The following IGLON5 variants were observed in gnomAD, a reference collection of about 807,000 sequenced individuals.
IGLON5 encodes Ig-like domain-containing protein ENSP00000270642.
In IGLON5, 16 loss-of-function variants were observed where a neutral mutation model predicts 38.2. The observed-to-expected ratio is 0.42, with a 90% CI of 0.28 to 0.64. The LOEUF is 0.64. IGLON5 is among the 30% of genes least tolerant of loss of function. The pLI is 0.23. For synonymous variants in IGLON5, 207 were observed against 216.4 expected (o/e 0.96, Z 0.38); for missense variants, 366 against 483.4 (o/e 0.76, Z 2.28).
Position 51,327,025 on chromosome 19 carries a change from G to T in IGLON5, c.647-55G>T. On this transcript the variant is annotated intron_variant, in intron 5 of 7. Coordinates refer to ENST00000270642, the MANE Select transcript of IGLON5 (RefSeq NM_001101372.3). This position sits in a 1 kb window ranked among gnomAD's most constrained non-coding sequence, Gnocchi z 7.1. ...TGAGGGAGGCGGGGGCTGGGGGCGG[G>T]ACCCCTTCGTCCCCACGCGGCTAGG... The T allele has an allele frequency of 6.3e-7, 1 of 1,599,614 alleles. No individual in the cohort carries two copies. The highest frequency in any genetic ancestry group is 8.5e-7 in the Non-Finnish European group (1 of 1,174,444).
chr19:51,322,561 C>G (rs111074828), intron 2 of IGLON5, among the ~76,000 whole-genome samples: 5,036 of 150,340 alleles, frequency 0.033, 314 homozygotes, highest in African/African-American at 0.12. Flanking sequence ...TCTGTTCCCC[C>G]CTCTCTCCAC....
Position 51,326,890 on chromosome 19 carries a change from C to T in IGLON5, c.638C>T (p.Thr213Ile), listed in dbSNP as rs1985229859. The change falls in exon 5 of 8, where the codon ACA becomes ATA. Residue 213 changes from threonine (T) to isoleucine (I), a missense_variant. Coordinates refer to ENST00000270642, the MANE Select transcript of IGLON5 (RefSeq NM_001101372.3). ...SAPDSRRVLV[T>I]VNYPPTITDV... ...CCCGACAGCCGCCGCGTGCTGGTCA[C>T]AGTCAACTGTGAGCCCCCCTGGCAC... 1.3e-6 allele frequency: 2 copies of T among 1,569,112 alleles called. No individual in the cohort carries two copies. Among genetic ancestry groups the T allele is most frequent in the South Asian group, 1.2e-5 (1 of 85,506 alleles).
Position 51,312,985 on chromosome 19 carries a change from C to A in IGLON5, c.79+1059C>A, listed in dbSNP as rs541972882. On this transcript the variant is annotated intron_variant, in intron 1 of 7. Coordinates refer to ENST00000270642, the MANE Select transcript of IGLON5 (RefSeq NM_001101372.3). ...AATTCAGACTTTCTGGAGGATTCCC[C>A]CAGGCCCTCCCCTGAACAAAGAGTT... Among the ~76,000 whole-genome samples, 6 of 152,288 alleles carry A rather than the reference C, an allele frequency of 3.9e-5. No homozygotes were observed. In the East Asian group the frequency reaches 1.2e-3, roughly 29 times the overall value.
intron 1 of IGLON5, among the ~76,000 whole-genome samples, chr19:51,318,722 G>A (rs1019870391): frequency 2.9e-4 from 26 of 90,454 alleles, no homozygotes; most frequent in African/African-American, 1.4e-3. Flanking sequence ...GCAACAGAGC[G>A]AGACTCTGTC....
At position 51,325,429 on chromosome 19, in the gene IGLON5, C is replaced by T. The variant is rs779834713; in HGVS notation, c.475C>T (p.Arg159Trp). The T allele has an allele frequency of 8.7e-6, 14 of 1,613,614 alleles. No individual in the cohort carries two copies. The highest frequency in any genetic ancestry group is 2.2e-5 in the South Asian group (2 of 91,058). ...NVNLLCLAVG[R>W]PEPTVTWRQL... ...GAACCTGCTTTGCCTGGCCGTGGGG[C>T]GGCCAGAGCCCACGGTCACCTGGAG... The change falls in exon 4 of 8, where the codon CGG (arginine) becomes TGG (tryptophan). Residue 159 changes from arginine to tryptophan, a missense_variant. Physicochemically the swap from Arg to Trp is moderately radical, Grantham distance 101. Transcript: ENST00000270642. This position sits in a 1 kb window ranked among gnomAD's most constrained non-coding sequence, Gnocchi z 5.5.
In IGLON5 at chr19:51,325,367, T is replaced by A; in HGVS notation, c.413T>A (p.Ile138Asn). The change falls in exon 4 of 8, where the codon ATC becomes AAC. Residue 138 changes from isoleucine (I) to asparagine (N), a missense_variant. By Grantham distance (149) the Ile-to-Asn change is moderately radical (BLOSUM62 -3). Coordinates refer to ENST00000270642, the MANE Select transcript of IGLON5 (RefSeq NM_001101372.3). The surrounding 1 kb of genome is among the most constrained non-coding windows in gnomAD (Gnocchi z 5.5). ...IVHVPARIVN[I>N]SSPVTVNEGG... ...GCAGTCCCTGCCCGCATTGTGAACA[T>A]CTCGTCGCCTGTGACGGTGAATGAG... The A allele has an allele frequency of 6.2e-7, 1 of 1,613,762 alleles. No homozygotes were observed. Among genetic ancestry groups the A allele is most frequent in the Non-Finnish European group, 8.5e-7 (1 of 1,179,784 alleles).
intron 1 of IGLON5, 141 bp downstream of exon 1, chr19:51,312,067 G>C (rs961673509): frequency 5.0e-6 from 2 of 403,212 alleles, no homozygotes; most frequent in Non-Finnish European, 8.2e-6. Flanking sequence ...CTGGGCCCGG[G>C]GGTGGGGTCT....
intron 1 of IGLON5, among the ~76,000 whole-genome samples, chr19:51,320,845 GT>G (rs1291739468): frequency 2.0e-5 from 3 of 152,188 alleles, no homozygotes; most frequent in African/African-American, 7.2e-5. Context: ...ACATTTCTGA[GT>G]TAATGTACGT....
rs1043649802 is a variant in IGLON5, at chr19:51,326,698, GC to G, written c.512-63del. 38 of 1,187,354 alleles carry G rather than the reference GC, an allele frequency of 3.2e-5. No individual in the cohort carries two copies. In the Middle Eastern group the frequency reaches 1.6e-3, roughly 51 times the overall value. The allele number at this position is 1,187,354 out of a possible 1,614,324, so 73.6% of individuals were successfully genotyped here. A position where few individuals can be genotyped will look rare whatever the true frequency, so the allele number is the denominator to read the frequency against. ...CCCCGCTGATGTGTGTCCGTGTTGT[GC>G]CCGTGTTGTCCCGTGTTAAGTGTTT... On this transcript the variant is annotated intron_variant, in intron 4 of 7. Transcript: ENST00000270642.
At chr19:51,313,570 C>CT (rs927411453) in intron 1 of IGLON5, among the ~76,000 whole-genome samples, 1 of 150,746 alleles carries the variant, frequency 6.6e-6, no homozygotes, top group Non-Finnish European at 1.5e-5. Context: ...CTACCTTTCT[C>CT]TTTTTTCTTT....
rs1256992112 is a variant in IGLON5, at chr19:51,326,739, C to G, written c.512-25C>G. ...GTTAAGTGTTTGTGTCCGGCCCCGC[C>G]CCCTCCTCCTCCTTCCCCCCACAGA... On this transcript the variant is annotated intron_variant, in intron 4 of 7. Transcript: ENST00000270642. 4 of 1,532,406 alleles carry G rather than the reference C, an allele frequency of 2.6e-6. No individual in the cohort carries two copies. The East Asian group carries it at 9.9e-5, about 38-fold the overall frequency. The allele number at this position is 1,532,406 out of a possible 1,614,324, so 94.9% of individuals were successfully genotyped here.
At position 51,327,032 on chromosome 19, in the gene IGLON5, T is replaced by G. The variant is rs748776591; in HGVS notation, c.647-48T>G. On this transcript the variant is annotated intron_variant, in intron 5 of 7. Transcript: ENST00000270642. This position sits in a 1 kb window ranked among gnomAD's most constrained non-coding sequence, Gnocchi z 7.1. ...GGCGGGGGCTGGGGGCGGGACCCCT[T>G]CGTCCCCACGCGGCTAGGAGAATTC... 6.3e-7 allele frequency: 1 copy of G among 1,598,526 alleles called. No individual in the cohort carries two copies. The highest frequency in any genetic ancestry group is 8.5e-7 in the Non-Finnish European group (1 of 1,173,578).
At chr19:51,313,647 T>TTTTTTCTTTC (rs1555750478) in intron 1 of IGLON5, among the ~76,000 whole-genome samples, 9 of 116,274 alleles carry the variant, frequency 7.7e-5, no homozygotes, top group Admixed American at 3.0e-4. Flanking sequence ...CTCTCTCTCT[T>TTTTTTCTTTC]TTTCTTTCTT....
intron 1 of IGLON5, among the ~76,000 whole-genome samples, chr19:51,315,325 T>C (rs947596016): frequency 3.9e-5 from 6 of 152,212 alleles, no homozygotes; most frequent in Admixed American, 1.3e-4. Flanking sequence ...CCTGACAAGC[T>C]AGCTCTCCCC....
rs1333091163 is a variant in IGLON5, at chr19:51,327,250, G to A, written c.767+50G>A. 1 of 1,579,460 alleles carries A rather than the reference G, an allele frequency of 6.3e-7. No individual in the cohort carries two copies. The highest frequency in any genetic ancestry group is 8.6e-7 in the Non-Finnish European group (1 of 1,160,910). On this transcript the variant is annotated intron_variant, in intron 6 of 7. Transcript: ENST00000270642. This position sits in a 1 kb window ranked among gnomAD's most constrained non-coding sequence, Gnocchi z 7.1. ...TGGGAGCGGGAAGGGGAGGTCTTTA[G>A]TCCCTTCGATTGTGAGGCAGGGGGA...
Position 51,323,687 on chromosome 19 carries a change from C to T in IGLON5, c.184C>T (p.Arg62Cys), listed in dbSNP as rs530447261. 1.5e-5 allele frequency: 24 copies of T among 1,613,224 alleles called. No homozygotes were observed. Among genetic ancestry groups the T allele is most frequent in the South Asian group, 2.2e-5 (2 of 91,056 alleles). The change falls in exon 3 of 8, where the codon CGC (arginine) becomes TGC (cysteine). Residue 62 changes from arginine to cysteine, a missense_variant. Transcript: ENST00000270642. ...CTGCTTCATCGACGAGCACGTGACC[C>T]GCGTGGCCTGGCTGAACCGCTCCAA... The part of the protein sequence containing the change: ...LSCFIDEHVT[R>C]VAWLNRSNIL...
chr19:51,314,672 A>G (rs1428151013), intron 1 of IGLON5, among the ~76,000 whole-genome samples: 3 of 152,132 alleles, frequency 2.0e-5, no homozygotes, highest in Non-Finnish European at 2.9e-5. Flanking sequence ...TGCCAGAAAG[A>G]CACCCCCACC....
Position 51,327,765 on chromosome 19 carries a change from G to A in IGLON5, c.801G>A (p.Val267=). Residue 267 remains valine (V), a synonymous_variant, in exon 7 of 8, where the codon GTG becomes GTA. Coordinates refer to ENST00000270642, the MANE Select transcript of IGLON5 (RefSeq NM_001101372.3). This position sits in a 1 kb window ranked among gnomAD's most constrained non-coding sequence, Gnocchi z 7.1. ...LSSGTAEGLK[V]QTERTRSMLL... ...GCGGCACGGCCGAAGGCCTGAAGGTGCAGACGGAGCGCACCCGCTCGATGC... is the reference window on the plus strand; with the variant it reads ...GCGGCACGGCCGAAGGCCTGAAGGTACAGACGGAGCGCACCCGCTCGATGC... 6.3e-7 allele frequency: 1 copy of A among 1,577,876 alleles called. No individual in the cohort carries two copies. The highest frequency in any genetic ancestry group is 8.6e-7 in the Non-Finnish European group (1 of 1,164,110).
At position 51,314,404 on chromosome 19, in the gene IGLON5, G is replaced by A. The variant is rs563620658; in HGVS notation, c.79+2478G>A. Among the ~76,000 whole-genome samples the A allele has an allele frequency of 4.6e-5, 7 of 152,018 alleles. No individual in the cohort carries two copies. The East Asian group carries it at 7.8e-4, about 17-fold the overall frequency. ...TCACCATGTTGGCCAGGCTGGTTTC[G>A]AACTCCTGACCTCAGGTGATCTGCC... On this transcript the variant is annotated intron_variant, in intron 1 of 7. Coordinates refer to ENST00000270642, the MANE Select transcript of IGLON5 (RefSeq NM_001101372.3).
Sources: gnomAD v4.1 joint callset for allele counts (sites outside exome capture counted in the v4.1 genomes callset) on GRCh38, gnomAD v4.1.1 for gene constraint, Gnocchi (gnomAD v3.1) non-coding constraint, MANE v1.5 for transcripts, NCBI Gene and HGNC (gene_info 2026-07-23, HGNC 2026-07-21) for gene names.